The following SCFD2 variants were observed in gnomAD, a reference collection of about 807,000 sequenced individuals.
SCFD2 encodes sec1 family domain-containing protein 2.
A neutral mutation model predicts 58.9 loss-of-function variants in SCFD2; 54 were observed. That is an observed-to-expected ratio of 0.92 (90% CI 0.74 to 1.15). The LOEUF (loss-of-function observed/expected upper bound fraction) is 1.15. Among genes scored for constraint, SCFD2 ranks in the 50% most tolerant of loss-of-function variants. The pLI is 0.00. For missense variants in SCFD2, 805 were observed against 836.6 expected (o/e 0.96, Z 0.47); for synonymous variants, 321 against 335.9 (o/e 0.96, Z 0.49).
rs572949897 is a variant in SCFD2, at chr4:52,989,006, T to C, written c.1562-68136A>G. 9.2e-5 allele frequency among the ~76,000 whole-genome samples: 14 copies of C among 152,334 alleles called. No individual in the cohort carries two copies. In the East Asian group the frequency reaches 2.7e-3, roughly 29 times the overall value. On this transcript the variant is annotated intron_variant, in intron 5 of 8. Coordinates refer to ENST00000401642, the MANE Select transcript of SCFD2 (RefSeq NM_152540.4). ...ATTTTATCCCTAATAGTTATAATAA[T>C]CCTGGGGGAAAAAAGTGGCAGTATC...
At chr4:53,124,502 G>A (rs1225179856) in intron 5 of SCFD2, among the ~76,000 whole-genome samples, 1 of 152,212 alleles carries the variant, frequency 6.6e-6, no homozygotes, top group Non-Finnish European at 1.5e-5. Flanking sequence ...GATGAACAAA[G>A]TGGTTTGGGG....
chr4:53,193,860 T>C (rs1045721443), intron 4 of SCFD2, among the ~76,000 whole-genome samples: 5 of 152,170 alleles, frequency 3.3e-5, no homozygotes, highest in African/African-American at 1.2e-4. Flanking sequence ...CAGAATAATT[T>C]ACAATGAAAA....
At chr4:53,274,215 G>A (rs535883430) in intron 3 of SCFD2, among the ~76,000 whole-genome samples, 3 of 152,224 alleles carry the variant, frequency 2.0e-5, no homozygotes, top group Admixed American at 2.0e-4. Context: ...AAGGAAACAG[G>A]GATGCTAATT....
chr4:53,269,211 G>C (rs1469254857), intron 4 of SCFD2, among the ~76,000 whole-genome samples: 3 of 152,134 alleles, frequency 2.0e-5, no homozygotes, highest in Non-Finnish European at 2.9e-5. Context: ...TGTAGTCCCA[G>C]CTACTCAGGA....
At chr4:52,931,370 G>A (rs1292431610) in intron 5 of SCFD2, among the ~76,000 whole-genome samples, 5 of 152,104 alleles carry the variant, frequency 3.3e-5, no homozygotes, top group African/African-American at 1.2e-4. Flanking sequence ...CCTGATAGAA[G>A]AACACTATGA....
At chr4:53,326,862 A>G (rs949676681) in intron 2 of SCFD2, among the ~76,000 whole-genome samples, 1 of 152,222 alleles carries the variant, frequency 6.6e-6, no homozygotes, top group Non-Finnish European at 1.5e-5. Context: ...AATGTAAATC[A>G]CAAAAAATTT....
chr4:53,199,711 T>G (rs1449362397), intron 4 of SCFD2, among the ~76,000 whole-genome samples: 2 of 152,002 alleles, frequency 1.3e-5, no homozygotes, highest in East Asian at 3.9e-4. Context: ...AACAACATGC[T>G]GGAAAGGTGG....
intron 2 of SCFD2, among the ~76,000 whole-genome samples, chr4:53,324,221 A>T (rs1186475276): frequency 6.6e-6 from 1 of 152,062 alleles, no homozygotes; most frequent in African/African-American, 2.4e-5. Flanking sequence ...GTTCAAGACC[A>T]GCCTGGGCAA....
At chr4:53,185,719 T>C (rs1461425923) in intron 4 of SCFD2, among the ~76,000 whole-genome samples, 1 of 152,170 alleles carries the variant, frequency 6.6e-6, no homozygotes. Flanking sequence ...AATTTAACTG[T>C]GATTACAATC....
chr4:52,917,518 G>T lies in SCFD2; in HGVS notation c.1707+3207C>A, dbSNP rs188239697. On this transcript the variant is annotated intron_variant, in intron 6 of 8. Transcript: ENST00000401642. The stretch of plus-strand genomic sequence containing the variant: ...CATCCATCTACCCACCCACTAGGTG[G>T]CAAACACTGAGTTAGCCCATGCAGA... Among the ~76,000 whole-genome samples the T allele has an allele frequency of 1.3e-4, 20 of 152,168 alleles. No individual in the cohort carries two copies. The East Asian group carries it at 3.9e-3, about 29-fold the overall frequency.
At position 52,917,841 on chromosome 4, in the gene SCFD2, T is replaced by C. The variant is rs184737446; in HGVS notation, c.1707+2884A>G. Among the ~76,000 whole-genome samples, 13 of 152,366 alleles carry C rather than the reference T, an allele frequency of 8.5e-5. No individual in the cohort carries two copies. In the East Asian group the frequency reaches 2.1e-3, roughly 25 times the overall value. On this transcript the variant is annotated intron_variant, in intron 6 of 8. Coordinates refer to ENST00000401642, the MANE Select transcript of SCFD2 (RefSeq NM_152540.4). ...TCTACTTTCTGCATCTGAATTGTGA[T>C]TGACACCTTTTCCTAACGGGTTAAT...
intron 7 of SCFD2, among the ~76,000 whole-genome samples, chr4:52,893,776 T>C (rs1005527718): frequency 5.9e-5 from 9 of 152,312 alleles, no homozygotes; most frequent in East Asian, 3.9e-4. Flanking sequence ...ATACTATTTA[T>C]TGAGCATCTA....
At chr4:53,058,699 G>A (rs1393594906) in intron 5 of SCFD2, among the ~76,000 whole-genome samples, 4 of 152,078 alleles carry the variant, frequency 2.6e-5, no homozygotes, top group African/African-American at 9.7e-5. Context: ...GAATCTTTTG[G>A]TTTCGATCTC....
chr4:53,212,184 T>C (rs12108392), intron 4 of SCFD2, among the ~76,000 whole-genome samples: 2,365 of 152,162 alleles, frequency 0.016, 35 homozygotes, highest in Middle Eastern at 0.065. Flanking sequence ...GAATCCACTG[T>C]TGGGAAAGCA....
intron 2 of SCFD2, among the ~76,000 whole-genome samples, chr4:53,337,192 G>A (rs1367179429): frequency 3.3e-5 from 5 of 152,192 alleles, no homozygotes; most frequent in African/African-American, 9.6e-5. Context: ...TTGGCTTGCA[G>A]ATGGCCCACT....
At chr4:52,958,318 G>T (rs987282120) in intron 5 of SCFD2, among the ~76,000 whole-genome samples, 2 of 152,092 alleles carry the variant, frequency 1.3e-5, no homozygotes, top group Non-Finnish European at 2.9e-5. Context: ...ATACTATAAG[G>T]CAGGCTCCAT....
intron 5 of SCFD2, among the ~76,000 whole-genome samples, chr4:52,925,063 A>C (rs1719830905): frequency 6.6e-6 from 1 of 152,156 alleles, no homozygotes. Flanking sequence ...ATCTCCACAG[A>C]CACCTAATGT....
chr4:53,192,085 C>G (rs183992997), intron 4 of SCFD2, among the ~76,000 whole-genome samples: 83 of 152,292 alleles, frequency 5.5e-4, no homozygotes, highest in African/African-American at 2.0e-3. Flanking sequence ...TTTCCCATTA[C>G]AAATTCAAAC....
intron 4 of SCFD2, among the ~76,000 whole-genome samples, chr4:53,219,247 G>A (rs1292392354): frequency 6.6e-6 from 1 of 152,216 alleles, no homozygotes; most frequent in Non-Finnish European, 1.5e-5. Context: ...GGAGTCTACA[G>A]AGGCAGGCAG....
Sources: allele counts gnomAD v4.1 joint callset (sites outside exome capture counted in the v4.1 genomes callset), GRCh38; gene constraint gnomAD v4.1.1; transcripts MANE v1.5; gene names NCBI Gene and HGNC (gene_info 2026-07-23, HGNC 2026-07-21).